The following TEF variants were observed in gnomAD, a reference collection of about 807,000 sequenced individuals.
TEF encodes thyrotroph embryonic factor.
In TEF, 3 loss-of-function variants were observed where a neutral mutation model predicts 20.8. That is an observed-to-expected ratio of 0.14 (90% confidence interval 0.07 to 0.37). The LOEUF (loss-of-function observed/expected upper bound fraction) is 0.37. Among genes scored for constraint, TEF ranks in the 10% least tolerant of loss-of-function variants. The pLI is 1.00. For synonymous variants in TEF, 180 were observed against 171.1 expected (o/e 1.05, Z -0.41); for missense variants, 296 against 397.9 (o/e 0.74, Z 2.18).
In TEF at chr22:41,398,649, C is replaced by T. The variant is rs1354718063; in HGVS notation, c.*2689C>T. On this transcript the variant is annotated 3_prime_UTR_variant, in exon 4 of 4. Transcript: ENST00000266304. ...TTGTGGAGGACCTGGGTAACTCTTACCCTTGGCCAAAGGAAGAGGTTTTCC... is the reference window on the plus strand; with the variant it reads ...TTGTGGAGGACCTGGGTAACTCTTATCCTTGGCCAAAGGAAGAGGTTTTCC... 2.0e-5 allele frequency: 3 copies of T among 152,978 alleles called. No individual in the cohort carries two copies. Among genetic ancestry groups the T allele is most frequent in the African/African-American group, 7.2e-5 (3 of 41,452 alleles). 9.5% of individuals were successfully genotyped at this position (152,978 alleles called of 1,614,324 possible).
In TEF at chr22:41,382,043, C is replaced by T. The variant is rs1471229596; in HGVS notation, c.-2C>T. ...AGGTGCGCGAGCCGAGTCCGGGGCACGATGTCCGACGCGGGCGGCGGAAAG... is the reference window on the plus strand; with the variant it reads ...AGGTGCGCGAGCCGAGTCCGGGGCATGATGTCCGACGCGGGCGGCGGAAAG... On this transcript the variant is annotated 5_prime_UTR_variant, in exon 1 of 4. The change creates a new upstream start codon in the 5' untranslated region. Transcript: ENST00000266304. 20 of 1,230,288 alleles carry T rather than the reference C, an allele frequency of 1.6e-5. No individual in the cohort carries two copies. The East Asian group carries it at 5.7e-4, about 35-fold the overall frequency. The allele number at this position is 1,230,288 out of a possible 1,614,324, so 76.2% of individuals were successfully genotyped here. A position where few individuals can be genotyped will look rare whatever the true frequency, so the allele number is the denominator to read the frequency against.
At chr22:41,388,395 T>C (rs1161352556) in intron 2 of TEF, among the ~76,000 whole-genome samples, 2 of 152,026 alleles carry the variant, frequency 1.3e-5, no homozygotes, top group Admixed American at 1.3e-4. Context: ...AAGCGATTTT[T>C]ATTTTTAGTA....
At chr22:41,385,965 G>A (rs974609598) in intron 1 of TEF, among the ~76,000 whole-genome samples, 1 of 151,948 alleles carries the variant, frequency 6.6e-6, no homozygotes, top group African/African-American at 2.4e-5. Context: ...GATTACAGGT[G>A]TGAGCCACCG....
At chr22:41,393,299 C>T (rs2037188645) in intron 2 of TEF, among the ~76,000 whole-genome samples, 1 of 149,932 alleles carries the variant, frequency 6.7e-6, no homozygotes, top group Non-Finnish European at 1.5e-5. Context: ...CATGATCATA[C>T]CACTATACTC....
At chr22:41,370,701 T>C (rs966535643) in intron 1 of TEF, among the ~76,000 whole-genome samples, 4 of 152,200 alleles carry the variant, frequency 2.6e-5, no homozygotes, top group Non-Finnish European at 1.5e-5. Flanking sequence ...CGTGAGCCAC[T>C]GCACCCAGCC....
At chr22:41,369,109 G>A (rs1269975754) in intron 1 of TEF, 15 of 985,280 alleles carry the variant, frequency 1.5e-5, no homozygotes, top group Middle Eastern at 5.2e-4. Context: ...CATGAAGGGC[G>A]AGGCTGCCAG....
At chr22:41,394,475 T>C (rs1188261062) in intron 3 of TEF, among the ~76,000 whole-genome samples, 159 bp downstream of exon 3, 1 of 152,230 alleles carries the variant, frequency 6.6e-6, no homozygotes, top group Admixed American at 6.5e-5. Flanking sequence ...TTCAGCAGTT[T>C]GGTAGAAAGA....
At chr22:41,382,299 C>A in intron 1 of TEF, 98 bp downstream of exon 1, 2 of 1,050,026 alleles carry the variant, frequency 1.9e-6, no homozygotes, top group Non-Finnish European at 2.4e-6. Context: ...GGTCAGGGAG[C>A]AGTGGTCCAG....
In TEF at chr22:41,383,948, T is replaced by C. The variant is rs576733746; in HGVS notation, c.157+1747T>C. Among the ~76,000 whole-genome samples the C allele has an allele frequency of 2.0e-5, 3 of 152,362 alleles. No individual in the cohort carries two copies. In the South Asian group the frequency reaches 6.2e-4, roughly 32 times the overall value. On this transcript the variant is annotated intron_variant, in intron 1 of 3. Coordinates refer to ENST00000266304, the MANE Select transcript of TEF (RefSeq NM_003216.4). ...TCTGGCCCACCCAGCCCACCAAGGC[T>C]TGACTTTCTTACTTCTCAGTTGGTT...
At chr22:41,379,502 C>T (rs1375433347), upstream of TEF, among the ~76,000 whole-genome samples, 1 of 151,502 alleles carries the variant, frequency 6.6e-6, no homozygotes, top group Non-Finnish European at 1.5e-5. Flanking sequence ...GGCAAAACTC[C>T]GTCTCAAAAA....
At chr22:41,389,360 C>A (rs1939051259) in intron 2 of TEF, among the ~76,000 whole-genome samples, 1 of 152,032 alleles carries the variant, frequency 6.6e-6, no homozygotes, top group African/African-American at 2.4e-5. Context: ...GAGATTGCAC[C>A]ACTGCACTCC....
At chr22:41,376,537 T>C (rs1215848569) in intron 1 of TEF, among the ~76,000 whole-genome samples, 2 of 152,174 alleles carry the variant, frequency 1.3e-5, no homozygotes, top group East Asian at 3.9e-4. Context: ...CTGAACAAAG[T>C]TTTTAACTTG....
intron 2 of TEF, among the ~76,000 whole-genome samples, chr22:41,387,910 C>T (rs1432974222): frequency 6.7e-6 from 1 of 148,744 alleles, no homozygotes; most frequent in Admixed American, 6.8e-5. Context: ...GTGCTGCAAA[C>T]AGTCAGGACA....
chr22:41,373,073 G>C (rs2036901989), intron 1 of TEF, among the ~76,000 whole-genome samples: 1 of 152,180 alleles, frequency 6.6e-6, no homozygotes, highest in South Asian at 2.1e-4. Flanking sequence ...CTGTCTGTAA[G>C]GACCCTCACA....
rs372032176 is a variant in TEF, at chr22:41,381,976, C to T, written c.-69C>T. On this transcript the variant is annotated 5_prime_UTR_variant, in exon 1 of 4. Transcript: ENST00000266304. ...GCCCGTGTCGGCAGCTGCAGCGGGT[C>T]GCACGGCTCCGGCCCATCTCGGGGG... 2.2e-5 allele frequency: 27 copies of T among 1,226,334 alleles called. No homozygotes were observed. The highest frequency in any genetic ancestry group is 1.2e-4 in the South Asian group (3 of 24,054). 76.0% of individuals were successfully genotyped at this position (1,226,334 alleles called of 1,614,324 possible).
intron 2 of TEF, 100 bp downstream of exon 2, chr22:41,387,768 C>G: frequency 2.4e-6 from 3 of 1,244,002 alleles, no homozygotes; most frequent in Non-Finnish European, 3.3e-6. Flanking sequence ...AGTCCCTTCT[C>G]TGAGGGGAGG....
In TEF at chr22:41,396,558, G is replaced by A; in HGVS notation, c.*598G>A. 5.7e-6 allele frequency: 1 copy of A among 176,514 alleles called. No individual in the cohort carries two copies. Among genetic ancestry groups the A allele is most frequent in the Non-Finnish European group, 1.2e-5 (1 of 84,672 alleles). The allele number at this position is 176,514 out of a possible 1,614,324, so 10.9% of individuals were successfully genotyped here. On this transcript the variant is annotated 3_prime_UTR_variant, in exon 4 of 4. Transcript: ENST00000266304. The stretch of plus-strand genomic sequence containing the variant: ...TCTGCACAGCCTGGGATGGGGCTTG[G>A]GGCTGGGGCCTGCAGCAGAAGTGTG...
chr22:41,380,375 C>G (rs1254096902), upstream of TEF, among the ~76,000 whole-genome samples: 2 of 152,126 alleles, frequency 1.3e-5, no homozygotes, highest in African/African-American at 4.8e-5. Flanking sequence ...AGGCTGGTCT[C>G]GAACTCCTGA....
At position 41,397,079 on chromosome 22, in the gene TEF, T is replaced by C. The variant is rs1460014941; in HGVS notation, c.*1119T>C. The stretch of plus-strand genomic sequence containing the variant: ...AATTCTTGCTTCAGGATCTCTCCCA[T>C]GCGAGCTGCCCGGAGGGTGTCAGCA... On this transcript the variant is annotated 3_prime_UTR_variant, in exon 4 of 4. Coordinates refer to ENST00000266304, the MANE Select transcript of TEF (RefSeq NM_003216.4). 7.5e-6 allele frequency: 3 copies of C among 398,706 alleles called. No homozygotes were observed. Among genetic ancestry groups the C allele is most frequent in the African/African-American group, 2.1e-5 (1 of 48,612 alleles). 24.7% of individuals were successfully genotyped at this position (398,706 alleles called of 1,614,324 possible).
Sources: allele counts gnomAD v4.1 joint callset (sites outside exome capture counted in the v4.1 genomes callset), GRCh38; gene constraint gnomAD v4.1.1; transcripts MANE v1.5; gene names NCBI Gene and HGNC (gene_info 2026-07-23, HGNC 2026-07-21).